KMT2C: variants seen among roughly 807,000 people sequenced by gnomAD.
The protein encoded by KMT2C is histone-lysine N-methyltransferase 2C.
KMT2C carries 88 observed loss-of-function variants against 507.9 expected under a neutral mutation model. That is an observed-to-expected ratio of 0.17 (90% CI 0.15 to 0.21). The LOEUF is 0.21. Among genes scored for constraint, KMT2C ranks in the 10% least tolerant of loss-of-function variants. The pLI is 1.00. For synonymous variants in KMT2C, 2,049 were observed against 2,080.8 expected (o/e 0.98, Z 0.42); for missense variants, 4,954 against 5,957.8 (o/e 0.83, Z 5.55).
At chr7:152,205,426 CTT>C (rs1164103612) in intron 24 of KMT2C, among the ~76,000 whole-genome samples, 1 of 148,634 alleles carries the variant, frequency 6.7e-6, no homozygotes, top group East Asian at 2.0e-4. Context: ...CAAAGCCACT[CTT>C]ATCACTTATC....
chr7:152,262,355 G>A (rs929120210), intron 9 of KMT2C, among the ~76,000 whole-genome samples: 2 of 152,068 alleles, frequency 1.3e-5, no homozygotes, highest in East Asian at 1.9e-4. Flanking sequence ...CCTCAACCTC[G>A]CAACACCAGC....
intron 1 of KMT2C, among the ~76,000 whole-genome samples, chr7:152,420,214 C>A (rs2116728274): frequency 6.6e-6 from 1 of 152,246 alleles, no homozygotes; most frequent in African/African-American, 2.4e-5. Context: ...TAAGAATAAA[C>A]CATGCTTCAG....
At chr7:152,297,057 G>GACAGACAGAAAGAAAGAAAGAA (rs756980169) in intron 6 of KMT2C, among the ~76,000 whole-genome samples, 14 of 90,752 alleles carry the variant, frequency 1.5e-4, no homozygotes, top group African/African-American at 6.7e-4. Context: ...AAGAAAGACA[G>GACAGACAGAAAGAAAGAAAGAA]AGAGAGAGAG....
At chr7:152,157,952 T>C in intron 44 of KMT2C, 4 of 1,295,058 alleles carry the variant, frequency 3.1e-6, no homozygotes, top group African/African-American at 1.5e-5. Flanking sequence ...TTAAGAGTAA[T>C]GTACATGATA....
intron 1 of KMT2C, among the ~76,000 whole-genome samples, chr7:152,382,033 A>G (rs1289580033): frequency 6.6e-6 from 1 of 152,278 alleles, no homozygotes; most frequent in Non-Finnish European, 1.5e-5. Flanking sequence ...TGCCCGTAAC[A>G]TACCAAATAA....
At chr7:152,256,215 G>C (rs1162563509) in intron 9 of KMT2C, among the ~76,000 whole-genome samples, 1 of 151,904 alleles carries the variant, frequency 6.6e-6, no homozygotes. Context: ...CAGAAAATAT[G>C]AACTCCTCTA....
At chr7:152,271,583 G>A (rs954502601) in intron 7 of KMT2C, among the ~76,000 whole-genome samples, 3 of 142,432 alleles carry the variant, frequency 2.1e-5, no homozygotes, top group Middle Eastern at 3.9e-3. Context: ...TGAGGCAGGA[G>A]AAATCGCATG....
intron 3 of KMT2C, among the ~76,000 whole-genome samples, chr7:152,329,935 G>A (rs1268096418): frequency 6.6e-6 from 1 of 151,966 alleles, no homozygotes; most frequent in Non-Finnish European, 1.5e-5. Flanking sequence ...CATGAGATCA[G>A]GAGATCGAGA....
intron 1 of KMT2C, among the ~76,000 whole-genome samples, chr7:152,393,697 T>A: frequency 6.6e-6 from 1 of 152,154 alleles, no homozygotes; most frequent in Non-Finnish European, 1.5e-5. Flanking sequence ...GCAGATCACC[T>A]GCCTGACCAA....
intron 1 of KMT2C, among the ~76,000 whole-genome samples, chr7:152,383,321 A>G (rs961070252): frequency 3.3e-5 from 5 of 152,316 alleles, no homozygotes; most frequent in African/African-American, 1.2e-4. Context: ...GTCTTACAAA[A>G]CCTAAGCAAC....
intron 31 of KMT2C, among the ~76,000 whole-genome samples, chr7:152,193,491 T>G (rs1563337541): frequency 6.6e-6 from 1 of 152,142 alleles, no homozygotes; most frequent in South Asian, 2.1e-4. Context: ...AAGCAAGACA[T>G]GGACAACTCT....
At chr7:152,425,178 G>A (rs1314286853) in intron 1 of KMT2C, among the ~76,000 whole-genome samples, 1 of 152,086 alleles carries the variant, frequency 6.6e-6, no homozygotes, top group African/African-American at 2.4e-5. Flanking sequence ...TCTCTCTGGG[G>A]CTCAGTTATC....
Position 152,158,522 on chromosome 7 carries a change from G to T in KMT2C, c.11670+341C>A, listed in dbSNP as rs77253307. 9.9e-4 allele frequency among the ~76,000 whole-genome samples: 136 copies of T among 137,110 alleles called. 1 individual carries two copies. The highest frequency in any genetic ancestry group is 3.0e-3 in the African/African-American group (110 of 36,970). 89.9% of individuals were successfully genotyped at this position (137,110 alleles called of 152,430 possible). On this transcript the variant is annotated intron_variant, in intron 44 of 58. Transcript: ENST00000262189. ...TCCTTGAATTGTTTGTTTTTTTTTTGTTTTTTTTTTTGAGACACAGTCTCA... is the reference window on the plus strand; with the variant it reads ...TCCTTGAATTGTTTGTTTTTTTTTTTTTTTTTTTTTTGAGACACAGTCTCA...
At chr7:152,202,761 A>G (rs957664291) in intron 26 of KMT2C, among the ~76,000 whole-genome samples, 173 bp downstream of exon 26, 2 of 152,216 alleles carry the variant, frequency 1.3e-5, no homozygotes, top group African/African-American at 4.8e-5. Context: ...ACACAAAAAA[A>G]GTAAATTTAA....
chr7:152,256,685 C>A (rs188255908), intron 9 of KMT2C, among the ~76,000 whole-genome samples: 25 of 152,272 alleles, frequency 1.6e-4, no homozygotes, highest in Admixed American at 1.1e-3. Context: ...ATGCCAAAAT[C>A]TTCAATAACA....
chr7:152,393,898 C>CAAA (rs745616896), intron 1 of KMT2C, among the ~76,000 whole-genome samples: 19 of 65,200 alleles, frequency 2.9e-4, no homozygotes, highest in African/African-American at 4.7e-4. Flanking sequence ...AACTCCATCT[C>CAAA]AAAAAAAAAA....
intron 2 of KMT2C, 68 bp from the exon 3 acceptor site, chr7:152,330,807 A>G (rs1343503888): frequency 7.1e-7 from 1 of 1,407,176 alleles, no homozygotes; most frequent in Non-Finnish European, 1.0e-6. Context: ...TGGTGAATGT[A>G]TCTATAAAGC....
At position 152,181,129 on chromosome 7, in the gene KMT2C, A is replaced by G. The variant is rs61730541; in HGVS notation, c.6731T>C (p.Met2244Thr). Reference sequence around the variant, plus strand: ...TTGCAGGAAAGGATCCTGATTTGGCATGAGGACTGGTCTTGTCATTGAGGA... The same window carrying G: ...TTGCAGGAAAGGATCCTGATTTGGCGTGAGGACTGGTCTTGTCATTGAGGA... ...TRSSMTRPVL[M>T]PNQDPFLQAA... The change falls in exon 36 of 59, where the codon ATG becomes ACG. Residue 2244 changes from methionine (M) to threonine (T), a missense_variant. Physicochemically the swap from Met to Thr is moderately conservative, Grantham distance 81. Coordinates refer to ENST00000262189, the MANE Select transcript of KMT2C (RefSeq NM_170606.3). 6.8e-6 allele frequency: 11 copies of G among 1,614,064 alleles called. No individual in the cohort carries two copies. The African/African-American group carries it at 1.3e-4, about 20-fold the overall frequency.
intron 31 of KMT2C, among the ~76,000 whole-genome samples, chr7:152,192,134 T>C (rs1430396266): frequency 6.6e-6 from 1 of 152,234 alleles, no homozygotes; most frequent in East Asian, 1.9e-4. Flanking sequence ...AGATGTTTTT[T>C]ATAAAGAAAT....
Sources: gnomAD v4.1 joint callset for allele counts (sites outside exome capture counted in the v4.1 genomes callset) on GRCh38, gnomAD v4.1.1 for gene constraint, MANE v1.5 for transcripts, NCBI Gene and HGNC (gene_info 2026-07-23, HGNC 2026-07-21) for gene names.